The following ENTPD4 variants were observed in gnomAD, a reference collection of about 807,000 sequenced individuals.
ENTPD4 encodes ectonucleoside triphosphate diphosphohydrolase 4, also known as Golgi UDPase.
A neutral mutation model predicts 79.1 loss-of-function variants in ENTPD4; 60 were observed. The observed-to-expected ratio is 0.76, with a 90% CI of 0.62 to 0.94. ENTPD4 has a LOEUF of 0.94. Ranked by LOEUF, ENTPD4 falls within the 40% of genes least tolerant of loss-of-function variation. The pLI is 0.00. For missense variants in ENTPD4, 772 were observed against 775.1 expected, an observed-to-expected ratio of 1.00 and a Z score of 0.05; for synonymous variants, 276 against 292.0, an observed-to-expected ratio of 0.95 and a Z score of 0.56.
Position 23,448,772 on chromosome 8 carries a change from C to T in ENTPD4, c.176G>A (p.Gly59Glu), listed in dbSNP as rs557946165. ...AAATTTCTTGTCTCTGGTTAGTCGCCCATACTTATTTCGGATTATGACAAC... is the reference window on the plus strand; with the variant it reads ...AAATTTCTTGTCTCTGGTTAGTCGCTCATACTTATTTCGGATTATGACAAC... The part of the protein sequence containing the change: ...FSVVIIRNKY[G>E]RLTRDKKFQR... Residue 59 changes from glycine to glutamate, a missense_variant, in exon 3 of 13, where the codon GGG becomes GAG. Physicochemically the swap from Gly to Glu is moderately conservative, Grantham distance 98 (BLOSUM62 -2). Transcript: ENST00000358689. 1 of 1,613,950 alleles carries T rather than the reference C, an allele frequency of 6.2e-7. No individual in the cohort carries two copies. Among genetic ancestry groups the T allele is most frequent in the African/African-American group, 1.3e-5 (1 of 74,984 alleles).
rs1175962680 is a variant in ENTPD4, at chr8:23,448,741, C to T, written c.206+1G>A. 6.2e-7 allele frequency: 1 copy of T among 1,613,114 alleles called. No homozygotes were observed. Among genetic ancestry groups the T allele is most frequent in the Non-Finnish European group, 8.5e-7 (1 of 1,179,320 alleles). On this transcript the variant is annotated splice_donor_variant, in intron 3 of 12. Transcript: ENST00000358689. LOFTEE classifies it high-confidence loss of function. ...AGAAAGCAAATGTTTTTATCTCTTACCTTTGAAATTTCTTGTCTCTGGTTA... is the reference window on the plus strand; with the variant it reads ...AGAAAGCAAATGTTTTTATCTCTTATCTTTGAAATTTCTTGTCTCTGGTTA...
chr8:23,429,920 A>T lies in ENTPD4; in HGVS notation c.*3006T>A, dbSNP rs1452586526. On this transcript the variant is annotated 3_prime_UTR_variant, in exon 13 of 13. Transcript: ENST00000358689. ...AATGTCTGAGAACATCCCCTGGAGG[A>T]GGTTTAAAAGTGAGAAGCCCATGAT... is the stretch of plus-strand genomic sequence containing the variant. The T allele has an allele frequency of 6.9e-5, 68 of 985,294 alleles. No homozygotes were observed. The highest frequency in any genetic ancestry group is 7.8e-5 in the Non-Finnish European group (65 of 829,928). 61.0% of individuals were successfully genotyped at this position (985,294 alleles called of 1,614,324 possible).
intron 1 of ENTPD4, among the ~76,000 whole-genome samples, chr8:23,457,283 G>A (rs1213672959): frequency 1.3e-5 from 2 of 151,788 alleles, no homozygotes; most frequent in African/African-American, 4.9e-5. Context: ...GGTCACCCGA[G>A]GCGCGCGACC....
chr8:23,441,816 G>A (rs1800676770), intron 7 of ENTPD4, 93 bp from the exon 8 acceptor site: 2 of 1,409,452 alleles, frequency 1.4e-6, no homozygotes, highest in Non-Finnish European at 1.9e-6. Context: ...TCTATTTCAA[G>A]CATATTCAGG....
At chr8:23,446,483 A>G (rs181342823) in intron 4 of ENTPD4, among the ~76,000 whole-genome samples, 68 of 152,374 alleles carry the variant, frequency 4.5e-4, no homozygotes, top group African/African-American at 1.5e-3. Context: ...ACATAAAACT[A>G]AAACTTAGAA....
intron 5 of ENTPD4, 61 bp from the exon 6 acceptor site, chr8:23,444,014 A>C: frequency 8.7e-7 from 1 of 1,143,888 alleles, no homozygotes; most frequent in Middle Eastern, 2.0e-4. Context: ...TTCTGTTTAG[A>C]AAAGGAAAAA....
At chr8:23,457,120 C>T (rs1196061198) in intron 1 of ENTPD4, among the ~76,000 whole-genome samples, 2 of 152,244 alleles carry the variant, frequency 1.3e-5, no homozygotes, top group East Asian at 3.9e-4. Context: ...AAGAAGAAAT[C>T]TAACATGAAA....
rs761044763 is a variant in ENTPD4, at chr8:23,435,403, G to A, written c.1449C>T (p.Leu483=). ...CTTCTAGTACTTACTTAAGCCTGTG[G>A]AGGTCAGCATGAGAGGCGTACAGTC... ...DRGLYASHAD[L]HRLKYQCFKS... Residue 483 remains leucine (L), a synonymous_variant, in exon 11 of 13, where the codon CTC becomes CTT. Transcript: ENST00000358689. The A allele has an allele frequency of 2.5e-6, 4 of 1,613,086 alleles. No homozygotes were observed. In the East Asian group the frequency reaches 6.7e-5, roughly 27 times the overall value.
At position 23,432,868 on chromosome 8, in the gene ENTPD4, G is replaced by A. The variant is rs908953004; in HGVS notation, c.*58C>T. 1 of 1,487,954 alleles carries A rather than the reference G, an allele frequency of 6.7e-7. No homozygotes were observed. Among genetic ancestry groups the A allele is most frequent in the South Asian group, 1.3e-5 (1 of 74,736 alleles). The allele number at this position is 1,487,954 out of a possible 1,614,324, so 92.2% of individuals were successfully genotyped here. A position where few individuals can be genotyped will look rare whatever the true frequency, so the allele number is the denominator to read the frequency against. On this transcript the variant is annotated 3_prime_UTR_variant, in exon 13 of 13. Coordinates refer to ENST00000358689, the MANE Select transcript of ENTPD4 (RefSeq NM_004901.5). ...CAAAACCACAGGAAAATAAAGAGGAGAAACCCTGAGGCAAAAATGGCTTTT... is the reference window on the plus strand; with the variant it reads ...CAAAACCACAGGAAAATAAAGAGGAAAAACCCTGAGGCAAAAATGGCTTTT...
chr8:23,441,390 C>T, intron 8 of ENTPD4, 179 bp downstream of exon 8: 1 of 985,098 alleles, frequency 1.0e-6, no homozygotes, highest in Non-Finnish European at 1.2e-6. Context: ...AATGAACACA[C>T]ACAAGCGGCT....
intron 1 of ENTPD4, among the ~76,000 whole-genome samples, chr8:23,454,660 T>G (rs1800924285): frequency 6.6e-6 from 1 of 151,912 alleles, no homozygotes; most frequent in African/African-American, 2.4e-5. Flanking sequence ...ACCGAGAGAA[T>G]GATCACAGCG....
chr8:23,455,873 C>G (rs772926925), intron 1 of ENTPD4, among the ~76,000 whole-genome samples: 11 of 152,194 alleles, frequency 7.2e-5, no homozygotes, highest in Non-Finnish European at 1.5e-4. Flanking sequence ...TGGTTCTCAG[C>G]TTTGATTCCC....
At chr8:23,452,379 C>T (rs1227851543) in intron 1 of ENTPD4, among the ~76,000 whole-genome samples, 1 of 152,204 alleles carries the variant, frequency 6.6e-6, no homozygotes, top group Non-Finnish European at 1.5e-5. Flanking sequence ...TCCCCATCCC[C>T]CAACTTTTCT....
intron 4 of ENTPD4, among the ~76,000 whole-genome samples, chr8:23,446,227 A>C (rs1414189464): frequency 6.6e-6 from 1 of 152,198 alleles, no homozygotes; most frequent in Non-Finnish European, 1.5e-5. Flanking sequence ...ATGAGATTCT[A>C]ATGTATACTC....
intron 1 of ENTPD4, among the ~76,000 whole-genome samples, chr8:23,453,328 T>C (rs1419107435): frequency 6.6e-6 from 1 of 152,228 alleles, no homozygotes; most frequent in East Asian, 1.9e-4. Context: ...TGGATTTTAA[T>C]GTTTTTATAA....
intron 1 of ENTPD4, among the ~76,000 whole-genome samples, chr8:23,451,014 T>A (rs1406229971): frequency 7.4e-6 from 1 of 135,558 alleles, no homozygotes; most frequent in African/African-American, 3.0e-5. Flanking sequence ...AATTTCTTTT[T>A]TTCTTTTCTT....
Position 23,429,989 on chromosome 8 carries a change from A to G in ENTPD4, c.*2937T>C, listed in dbSNP as rs1400208529. 1.0e-6 allele frequency: 1 copy of G among 985,368 alleles called. No individual in the cohort carries two copies. Among genetic ancestry groups the G allele is most frequent in the East Asian group, 1.1e-4 (1 of 8,826 alleles). 61.0% of individuals were successfully genotyped at this position (985,368 alleles called of 1,614,324 possible). ...CACTTATTGCTGGCATGTTTCTACC[A>G]AGATTGAACACAATGCTTTTCTTTG... On this transcript the variant is annotated 3_prime_UTR_variant, in exon 13 of 13. Transcript: ENST00000358689.
Position 23,449,784 on chromosome 8 carries a change from A to C in ENTPD4, c.8+109T>G. 8.2e-6 allele frequency: 8 copies of C among 972,212 alleles called. No individual in the cohort carries two copies. In the South Asian group the frequency reaches 1.0e-4, roughly 13 times the overall value. 60.2% of individuals were successfully genotyped at this position (972,212 alleles called of 1,614,324 possible). On this transcript the variant is annotated intron_variant, in intron 2 of 12. Transcript: ENST00000358689. ...AAGAAAAAAGGTCTTAAACAGAAGCACAGCACAACTTCACATTTTTCACTT... is the reference window on the plus strand; with the variant it reads ...AAGAAAAAAGGTCTTAAACAGAAGCCCAGCACAACTTCACATTTTTCACTT...
At chr8:23,452,381 A>G (rs944724131) in intron 1 of ENTPD4, among the ~76,000 whole-genome samples, 1 of 152,120 alleles carries the variant, frequency 6.6e-6, no homozygotes, top group Non-Finnish European at 1.5e-5. Context: ...CCCATCCCCC[A>G]ACTTTTCTCT....
Sources: allele counts gnomAD v4.1 joint callset (sites outside exome capture counted in the v4.1 genomes callset), GRCh38; gene constraint gnomAD v4.1.1; transcripts MANE v1.5; gene names NCBI Gene and HGNC (gene_info 2026-07-23, HGNC 2026-07-21).